Variants in HEPH observed in about 807,000 individuals in gnomAD.
The protein encoded by HEPH is hephaestin.
A neutral mutation model predicts 80.8 loss-of-function variants in HEPH; 69 were observed. That is an observed-to-expected ratio of 0.85 (90% CI 0.70 to 1.04). The LOEUF (loss-of-function observed/expected upper bound fraction) is 1.04, where lower values mean the gene tolerates loss of function less well. Ranked by LOEUF, HEPH falls within the 50% of genes least tolerant of loss-of-function variation. HEPH has a pLI of 0.00. For synonymous variants in HEPH, 431 were observed against 322.8 expected, an observed-to-expected ratio of 1.34 and a Z score of -3.60; for missense variants, 1,115 against 891.3, an observed-to-expected ratio of 1.25 and a Z score of -3.20.
chrX:66,179,299 G>A (rs2086976406), intron 4 of HEPH, among the ~76,000 whole-genome samples: 2 of 111,556 alleles, frequency 1.8e-5, no homozygotes, highest in Middle Eastern at 4.6e-3. Context: ...TTTTTCATTG[G>A]TCTATATCTC....
chrX:66,213,004 T>A (rs2089212872), intron 15 of HEPH, among the ~76,000 whole-genome samples: 1 of 108,335 alleles, frequency 9.2e-6, no homozygotes, highest in Admixed American at 9.8e-5. Context: ...TGTTTGTAGT[T>A]TTTTTTAAAT....
intron 5 of HEPH, among the ~76,000 whole-genome samples, chrX:66,189,135 T>C (rs948950596): frequency 8.9e-6 from 1 of 112,203 alleles, no homozygotes; most frequent in East Asian, 2.8e-4. Context: ...ATTAAGGAAG[T>C]CATTTACTGG....
chrX:66,216,547 G>A (rs2089407254), intron 15 of HEPH, among the ~76,000 whole-genome samples: 1 of 112,013 alleles, frequency 8.9e-6, no homozygotes, highest in Non-Finnish European at 1.9e-5. Flanking sequence ...GGAGCACCCT[G>A]TGGGACAAAA....
chrX:66,239,971 AG>A (rs2090509504), intron 15 of HEPH, among the ~76,000 whole-genome samples: 1 of 111,887 alleles, frequency 8.9e-6, no homozygotes, highest in African/African-American at 3.2e-5. Context: ...GCATATAAAT[AG>A]AATAATACAG....
chrX:66,264,381 C>A (rs1466908170), intron 20 of HEPH, among the ~76,000 whole-genome samples: 1 of 108,780 alleles, frequency 9.2e-6, no homozygotes, highest in Non-Finnish European at 1.9e-5. Flanking sequence ...GAGACTAGTT[C>A]CAACACCATA....
At chrX:66,210,535 A>C (rs1454916361) in intron 15 of HEPH, among the ~76,000 whole-genome samples, 1 of 111,223 alleles carries the variant, frequency 9.0e-6, no homozygotes, top group African/African-American at 3.3e-5. Context: ...CCTTGAAGTC[A>C]CTCAGAAAAA....
intron 15 of HEPH, among the ~76,000 whole-genome samples, chrX:66,245,429 ACTAT>A (rs759633609): frequency 1.1e-4 from 12 of 112,122 alleles, no homozygotes; most frequent in Non-Finnish European, 2.1e-4. Context: ...AGAAGAGCTA[ACTAT>A]CCTAAATATA....
intron 15 of HEPH, among the ~76,000 whole-genome samples, chrX:66,230,433 A>G (rs980995881): frequency 3.7e-5 from 4 of 107,157 alleles, no homozygotes; most frequent in African/African-American, 1.4e-4. Context: ...CCTCTCCAGC[A>G]CCTGTTGTTT....
chrX:66,162,917 C>T (rs1451028721), upstream of HEPH: 3 of 1,103,128 alleles, frequency 2.7e-6, no homozygotes, highest in Admixed American at 2.9e-5. Context: ...ATACCTGTCC[C>T]CTTCCTATAC....
At chrX:66,180,282 G>T (rs1232376032) in intron 4 of HEPH, among the ~76,000 whole-genome samples, 2 of 111,234 alleles carry the variant, frequency 1.8e-5, no homozygotes, top group Non-Finnish European at 3.8e-5. Flanking sequence ...CCTTTTAGCA[G>T]TTCTTGTAGT....
chrX:66,239,830 T>TA (rs775834099), intron 15 of HEPH, among the ~76,000 whole-genome samples: 2 of 112,294 alleles, frequency 1.8e-5, no homozygotes, highest in Admixed American at 1.9e-4. Flanking sequence ...ACAATCAAGA[T>TA]AAAAATTAAA....
downstream of HEPH, chrX:66,267,762 T>C (rs1336800090): frequency 9.0e-6 from 1 of 111,108 alleles, no homozygotes; most frequent in Non-Finnish European, 1.9e-5. Context: ...GGCTTCCTTA[T>C]AGGATGGAGT....
chrX:66,165,888 T>C (rs2086337147), intron 1 of HEPH, among the ~76,000 whole-genome samples: 1 of 111,885 alleles, frequency 8.9e-6, no homozygotes. Context: ...CCTGTTCTTT[T>C]TCCTCATCAG....
rs767337082 is a variant in HEPH, at chrX:66,172,338, T to G, written c.168-17T>G. On this transcript the variant is annotated splice_polypyrimidine_tract_variant and intron_variant, in intron 2 of 20. Coordinates refer to ENST00000343002, the MANE Select transcript of HEPH (RefSeq NM_001367233.3). ...AAGATGGGGGGCAAAATTATGACTC[T>G]TTTTCTTCTTTCCCAGAGTGGCTTC... is the stretch of plus-strand genomic sequence containing the variant. 7 of 1,172,260 alleles carry G rather than the reference T, an allele frequency of 6.0e-6. No individual in the cohort carries two copies. The East Asian group carries it at 2.1e-4, about 35-fold the overall frequency.
At chrX:66,202,027 C>A (rs1364982607) in intron 12 of HEPH, among the ~76,000 whole-genome samples, 2 of 111,611 alleles carry the variant, frequency 1.8e-5, no homozygotes, top group Non-Finnish European at 3.8e-5. Context: ...AGCCCTTTAA[C>A]ATGTGGTTTA....
At chrX:66,217,281 C>T (rs1009877848) in intron 15 of HEPH, among the ~76,000 whole-genome samples, 1 of 110,696 alleles carries the variant, frequency 9.0e-6, no homozygotes, top group Non-Finnish European at 1.9e-5. Flanking sequence ...AGTTGGGAGG[C>T]AAAAGCACCA....
At chrX:66,170,856 G>T in intron 2 of HEPH, 119 bp downstream of exon 2, 1 of 580,950 alleles carries the variant, frequency 1.7e-6, no homozygotes, top group South Asian at 3.0e-5. Flanking sequence ...TGATTGCTCC[G>T]AGCTGTACAT....
rs905868493 is a variant in HEPH at position 66,207,219 on chromosome X, C to A, written c.2316C>A (p.Asn772Lys). Residue 772 changes from asparagine (N) to lysine (K), a missense_variant, in exon 14 of 21, where the codon AAC (asparagine) becomes AAA (lysine). Transcript: ENST00000343002. ...GTTATGGTTACATTTTCCTGAGCAA[C>A]AAGGATGGGCTCCTGGGTTCCAGAT... ...KDSYGYIFLS[N>K]KDGLLGSRYK... 1.2e-5 allele frequency: 14 copies of A among 1,203,045 alleles called. No individual in the cohort carries two copies. Among genetic ancestry groups the A allele is most frequent in the Non-Finnish European group, 1.6e-5 (14 of 891,791 alleles).
intron 13 of HEPH, among the ~76,000 whole-genome samples, chrX:66,206,255 T>A (rs1274081713): frequency 9.2e-6 from 1 of 108,235 alleles, no homozygotes; most frequent in Non-Finnish European, 1.9e-5. Context: ...GCCTGTGGCT[T>A]CTGATTCTTA....
Sources: gnomAD v4.1 joint callset for allele counts (sites outside exome capture counted in the v4.1 genomes callset) on GRCh38, gnomAD v4.1.1 for gene constraint, MANE v1.5 for transcripts, NCBI Gene and HGNC (gene_info 2026-07-23, HGNC 2026-07-21) for gene names.